The following ACO2 variants were observed in gnomAD, a reference collection of about 807,000 sequenced individuals.
The protein encoded by ACO2 is aconitate hydratase, mitochondrial.
A neutral mutation model predicts 84.5 loss-of-function variants in ACO2; 31 were observed. That is an observed-to-expected ratio of 0.37 (90% CI 0.28 to 0.50). The LOEUF (loss-of-function observed/expected upper bound fraction) is 0.50. Among genes scored for constraint, ACO2 ranks in the 20% least tolerant of loss-of-function variants. ACO2 has a pLI of 0.97. For synonymous variants in ACO2, 414 were observed against 412.7 expected, an observed-to-expected ratio of 1.00 and a Z score of -0.04; for missense variants, 685 against 1,029.3, an observed-to-expected ratio of 0.67 and a Z score of 4.58.
At chr22:41,520,751 A>G (rs1241846090) in intron 9 of ACO2, among the ~76,000 whole-genome samples, 1 of 151,850 alleles carries the variant, frequency 6.6e-6, no homozygotes, top group Non-Finnish European at 1.5e-5. Context: ...CTGAGGCAGG[A>G]GAATCGCTTG....
chr22:41,504,750 G>A (rs1489682250), intron 2 of ACO2, among the ~76,000 whole-genome samples: 1 of 141,436 alleles, frequency 7.1e-6, no homozygotes, highest in Non-Finnish European at 1.5e-5. Flanking sequence ...TTGAGGTAGG[G>A]TCTTGCTCTG....
intron 4 of ACO2, among the ~76,000 whole-genome samples, chr22:41,513,386 G>C (rs921119255): frequency 2.0e-5 from 3 of 152,178 alleles, no homozygotes; most frequent in Non-Finnish European, 4.4e-5. Flanking sequence ...GTACTTTGCA[G>C]CTTTACTTTC....
intron 1 of ACO2, among the ~76,000 whole-genome samples, chr22:41,482,364 T>G (rs1236181835): frequency 6.6e-6 from 1 of 152,238 alleles, no homozygotes; most frequent in Non-Finnish European, 1.5e-5. Context: ...TCCCAGCTGT[T>G]TGACCTTAGG....
Position 41,523,960 on chromosome 22 carries a change from G to T in ACO2, c.1482+19G>T. 1 of 1,609,234 alleles carries T rather than the reference G, an allele frequency of 6.2e-7. No homozygotes were observed. The highest frequency in any genetic ancestry group is 1.1e-5 in the South Asian group (1 of 90,898). On this transcript the variant is annotated intron_variant, in intron 12 of 17. Coordinates refer to ENST00000216254, the MANE Select transcript of ACO2 (RefSeq NM_001098.3). ...CCCAGAGGTGAGACTGCCCAGCTGC[G>T]CACAAGCCTGGGATGGCCTCTGGGG... is the stretch of plus-strand genomic sequence containing the variant.
chr22:41,519,809 A>G (rs188981545), intron 8 of ACO2, among the ~76,000 whole-genome samples: 24 of 122,294 alleles, frequency 2.0e-4, no homozygotes, highest in Admixed American at 4.1e-4. Context: ...CTCCATCTCA[A>G]AAAAAAAAAA....
At chr22:41,514,299 G>A (rs978319397) in intron 4 of ACO2, among the ~76,000 whole-genome samples, 1 of 152,174 alleles carries the variant, frequency 6.6e-6, no homozygotes, top group African/African-American at 2.4e-5. Flanking sequence ...TCTGACTGAT[G>A]AGCGGCAGAA....
chr22:41,509,930 G>A (rs972752293), intron 3 of ACO2, among the ~76,000 whole-genome samples: 10 of 150,410 alleles, frequency 6.6e-5, no homozygotes, highest in Admixed American at 2.7e-4. Context: ...CCGCCTCCTG[G>A]GTTCAAGCGA....
At position 41,508,068 on chromosome 22, in the gene ACO2, T is replaced by C. The variant is rs200362666; in HGVS notation, c.432+19T>C. On this transcript the variant is annotated intron_variant, in intron 3 of 17. Transcript: ENST00000216254. ...GGCCAAGGTGAGCAGAAGGTGGCTTTGGGGGTGGGCAAGTGGGCAAGACTG... is the reference window on the plus strand; with the variant it reads ...GGCCAAGGTGAGCAGAAGGTGGCTTCGGGGGTGGGCAAGTGGGCAAGACTG... 1.1e-4 allele frequency: 171 copies of C among 1,599,728 alleles called. 2 individuals carry two copies. In the East Asian group the frequency reaches 2.2e-3, roughly 20 times the overall value.
chr22:41,486,314 G>C (rs917611328), intron 1 of ACO2, among the ~76,000 whole-genome samples: 10 of 151,990 alleles, frequency 6.6e-5, no homozygotes, highest in Admixed American at 2.6e-4. Flanking sequence ...TTTTTTTTGA[G>C]ACGGAGTCTC....
At position 41,520,243 on chromosome 22, in the gene ACO2, G is replaced by C; in HGVS notation, c.1105G>C (p.Glu369Gln). The change falls in exon 9 of 18, where the codon GAG becomes CAG. Residue 369 changes from glutamate to glutamine, a missense_variant. Physicochemically the swap from Glu to Gln is conservative, Grantham distance 29 (BLOSUM62 2). Transcript: ENST00000216254. Reference protein sequence around the residue: ...HPVAEVGKVAEKEGWPLDIRV... With the variant: ...HPVAEVGKVAQKEGWPLDIRV... ...TGTGGCAGAAGTGGGCAAGGTGGCA[G>C]AGAAGGAAGGATGGCCTCTGGACAT... 5 of 1,614,054 alleles carry C rather than the reference G, an allele frequency of 3.1e-6. No individual in the cohort carries two copies. The highest frequency in any genetic ancestry group is 4.2e-6 in the Non-Finnish European group (5 of 1,179,954).
chr22:41,492,464 C>T (rs935606545), intron 1 of ACO2, among the ~76,000 whole-genome samples: 1 of 152,136 alleles, frequency 6.6e-6, no homozygotes, highest in Non-Finnish European at 1.5e-5. Flanking sequence ...TGATGAAACC[C>T]CGTCTCTACT....
At chr22:41,490,544 G>A (rs921403358) in intron 1 of ACO2, among the ~76,000 whole-genome samples, 1 of 152,148 alleles carries the variant, frequency 6.6e-6, no homozygotes, top group Non-Finnish European at 1.5e-5. Flanking sequence ...TAAAAACAGC[G>A]CCGCGGACAG....
At chr22:41,483,656 TAAAA>T (rs112836153) in intron 1 of ACO2, among the ~76,000 whole-genome samples, 1 of 133,668 alleles carries the variant, frequency 7.5e-6, no homozygotes, top group African/African-American at 2.8e-5. Context: ...GACTCCGTCT[TAAAA>T]AAAAAAAAAA....
At chr22:41,469,701 G>A (rs1190615142) in intron 1 of ACO2, among the ~76,000 whole-genome samples, 1 of 152,152 alleles carries the variant, frequency 6.6e-6, no homozygotes, top group African/African-American at 2.4e-5. Flanking sequence ...TCGGGGAGGG[G>A]GGCGGTCTTC....
At chr22:41,476,961 C>T (rs1157300648) in intron 1 of ACO2, among the ~76,000 whole-genome samples, 3 of 151,232 alleles carry the variant, frequency 2.0e-5, no homozygotes, top group Non-Finnish European at 4.4e-5. Context: ...CCAGCCTGGC[C>T]AACATGGTGA....
chr22:41,486,880 CTTTTCTTTTG>C (rs931557023), intron 1 of ACO2, among the ~76,000 whole-genome samples: 7 of 150,840 alleles, frequency 4.6e-5, no homozygotes, highest in Non-Finnish European at 1.0e-4. Flanking sequence ...AACCAAGCTG[CTTTTCTTTTG>C]TTTTCTTTTT....
At chr22:41,474,043 T>A (rs2037977997) in intron 1 of ACO2, among the ~76,000 whole-genome samples, 1 of 151,712 alleles carries the variant, frequency 6.6e-6, no homozygotes, top group Admixed American at 6.6e-5. Context: ...CCATAGAGGG[T>A]CAAAAGGAGG....
rs911834064 is a variant in ACO2, at chr22:41,515,892, T to A, written c.810T>A (p.Pro270=). The change falls in exon 6 of 18, where the codon CCT becomes CCA. Residue 270 remains proline, a synonymous_variant. Transcript: ENST00000216254. This position sits in a 1 kb window ranked among gnomAD's most constrained non-coding sequence, Gnocchi z 5.8. ...GTGAIVEYHG[P]GVDSISCTGM... ...GTGCAATCGTGGAATACCACGGGCC[T>A]GGTGTAGACTCCATCTCCTGCACTG... 10 of 1,614,028 alleles carry A rather than the reference T, an allele frequency of 6.2e-6. No individual in the cohort carries two copies. Among genetic ancestry groups the A allele is most frequent in the African/African-American group, 4.0e-5 (3 of 74,936 alleles).
At chr22:41,500,941 T>C (rs2066349919) in intron 2 of ACO2, among the ~76,000 whole-genome samples, 1 of 151,940 alleles carries the variant, frequency 6.6e-6, no homozygotes, top group Admixed American at 6.6e-5. Flanking sequence ...TGACCTCAGG[T>C]GATCCACCTG....
Sources: allele counts gnomAD v4.1 joint callset (sites outside exome capture counted in the v4.1 genomes callset), GRCh38; gene constraint gnomAD v4.1.1; non-coding constraint Gnocchi (gnomAD v3.1); transcripts MANE v1.5; gene names NCBI Gene and HGNC (gene_info 2026-07-23, HGNC 2026-07-21).